TRPM3: variants seen among roughly 807,000 people sequenced by gnomAD.
TRPM3 encodes the protein transient receptor potential cation channel subfamily M member 3.
Under a neutral mutation model 181.2 loss-of-function variants are expected in TRPM3, and 77 were observed. The observed-to-expected ratio is 0.42, with a 90% confidence interval of 0.35 to 0.51. The LOEUF is 0.51. TRPM3 is among the 20% of genes least tolerant of loss of function. TRPM3 has a pLI of 0.01. For synonymous variants in TRPM3, 745 were observed against 796.4 expected, an observed-to-expected ratio of 0.94 and a Z score of 1.09; for missense variants, 1,759 against 2,196.7, an observed-to-expected ratio of 0.80 and a Z score of 3.98.
chr9:71,307,986 T>C (rs2087533067), intron 1 of TRPM3, among the ~76,000 whole-genome samples: 1 of 151,594 alleles, frequency 6.6e-6, no homozygotes, highest in South Asian at 2.1e-4. Flanking sequence ...TTTTTTTTTT[T>C]TGAGATGGAG....
chr9:71,172,951 G>A (rs2076938037), intron 1 of TRPM3, among the ~76,000 whole-genome samples: 2 of 152,090 alleles, frequency 1.3e-5, no homozygotes, highest in Admixed American at 1.3e-4. Flanking sequence ...TGAAGTAAGT[G>A]GGCATAAACA....
intron 1 of TRPM3, among the ~76,000 whole-genome samples, chr9:71,150,925 C>A (rs2075700773): frequency 6.6e-6 from 1 of 152,020 alleles, no homozygotes; most frequent in Non-Finnish European, 1.5e-5. Flanking sequence ...GACAAAAATC[C>A]AGATATATAT....
At chr9:71,394,042 T>C (rs2093130776) in intron 1 of TRPM3, among the ~76,000 whole-genome samples, 1 of 152,160 alleles carries the variant, frequency 6.6e-6, no homozygotes, top group African/African-American at 2.4e-5. Context: ...AGAGATCCAC[T>C]GATTTCATTA....
intron 22 of TRPM3, among the ~76,000 whole-genome samples, chr9:70,573,887 G>T (rs976179726): frequency 3.3e-5 from 5 of 151,708 alleles, no homozygotes; most frequent in Admixed American, 3.3e-4. Context: ...TAACCTGCAG[G>T]ATCTGGTGTT....
chr9:70,826,195 C>G (rs1305240808), intron 6 of TRPM3: 1 of 152,190 alleles, frequency 6.6e-6, no homozygotes, highest in Non-Finnish European at 1.5e-5. Flanking sequence ...TTATAAAAAC[C>G]TAAATAGATA....
At chr9:70,868,133 G>A (rs2132511634) in intron 1 of TRPM3, among the ~76,000 whole-genome samples, 1 of 152,072 alleles carries the variant, frequency 6.6e-6, no homozygotes, top group South Asian at 2.1e-4. Context: ...TGGCTTCTAT[G>A]GCCCCCAGAA....
chr9:70,981,417 G>T (rs2097362439), intron 1 of TRPM3, among the ~76,000 whole-genome samples: 1 of 152,190 alleles, frequency 6.6e-6, no homozygotes, highest in African/African-American at 2.4e-5. Context: ...GGAGATAGAA[G>T]ACATGTCATC....
chr9:70,835,598 A>G (rs2131846966), intron 5 of TRPM3, among the ~76,000 whole-genome samples: 1 of 151,954 alleles, frequency 6.6e-6, no homozygotes, highest in Non-Finnish European at 1.5e-5. Flanking sequence ...TCCCTTCTCC[A>G]TGTGGCAGGT....
chr9:70,980,689 AC>A (rs1309635345), intron 1 of TRPM3, among the ~76,000 whole-genome samples: 2 of 152,196 alleles, frequency 1.3e-5, no homozygotes, highest in African/African-American at 4.8e-5. Flanking sequence ...ACTCAGTAGC[AC>A]CCTGGCCCCT....
At chr9:70,684,991 G>C (rs905360419) in intron 8 of TRPM3, among the ~76,000 whole-genome samples, 1 of 152,102 alleles carries the variant, frequency 6.6e-6, no homozygotes, top group Non-Finnish European at 1.5e-5. Context: ...GCTGTTTGGT[G>C]CCGGACCATT....
chr9:71,259,857 T>C (rs1005343017), intron 1 of TRPM3, among the ~76,000 whole-genome samples: 6 of 152,208 alleles, frequency 3.9e-5, no homozygotes, highest in African/African-American at 1.4e-4. Context: ...CTGATGATAG[T>C]CTCTTCTGTT....
At position 70,535,783 on chromosome 9, in the gene TRPM3, TCTTG is replaced by T. The variant is rs1428914489; in HGVS notation, c.*166_*169del. ...TGGCACTGGGTCAGATCAAATGCTTTCTTGATCTGTGGCCCAGAAGTCACCTTTG... is the reference window on the plus strand; with the variant it reads ...TGGCACTGGGTCAGATCAAATGCTTTATCTGTGGCCCAGAAGTCACCTTTG... On this transcript the variant is annotated 3_prime_UTR_variant, in exon 26 of 26. Coordinates refer to ENST00000677713, the MANE Select transcript of TRPM3 (RefSeq NM_001366145.2). 5 of 1,484,896 alleles carry T rather than the reference TCTTG, an allele frequency of 3.4e-6. No individual in the cohort carries two copies. Among genetic ancestry groups the T allele is most frequent in the Non-Finnish European group, 4.4e-6 (5 of 1,126,380 alleles). The allele number at this position is 1,484,896 out of a possible 1,614,324, so 92.0% of individuals were successfully genotyped here. A position where few individuals can be genotyped will look rare whatever the true frequency, so the allele number is the denominator to read the frequency against.
chr9:71,163,720 G>C (rs1587725273), intron 1 of TRPM3, among the ~76,000 whole-genome samples: 1 of 152,070 alleles, frequency 6.6e-6, no homozygotes, highest in South Asian at 2.1e-4. Flanking sequence ...GAAGATCAAA[G>C]ACTGAGTCCT....
chr9:70,869,062 G>A (rs2095725062), intron 1 of TRPM3: 1 of 984,984 alleles, frequency 1.0e-6, no homozygotes, highest in Admixed American at 6.2e-5. Context: ...TGCAGCTAGG[G>A]CTGGTCATTC....
At chr9:70,622,108 A>G (rs148332285) in intron 14 of TRPM3, among the ~76,000 whole-genome samples, 5 of 152,264 alleles carry the variant, frequency 3.3e-5, no homozygotes, top group Admixed American at 3.3e-4. Context: ...TAGTACCCTT[A>G]TAAAAGAGGC....
intron 12 of TRPM3, among the ~76,000 whole-genome samples, chr9:70,628,826 A>AG (rs1248236609): frequency 2.7e-5 from 4 of 150,700 alleles, no homozygotes; most frequent in Middle Eastern, 3.4e-3. Flanking sequence ...CTTAAAAAAA[A>AG]AAAAAAAAAA....
rs553747416 is a variant in TRPM3 at position 70,794,074 on chromosome 9, G to C, written c.974-9795C>G. Among the ~76,000 whole-genome samples the C allele has an allele frequency of 1.7e-4, 26 of 152,204 alleles. 1 individual carries two copies. In the South Asian group the frequency reaches 4.8e-3, roughly 28 times the overall value. Reference sequence around the variant, plus strand: ...ACTTGGACTTGAGGGTCCTTCATATGAGAATTTGGGATAGCAGATTTTTTT... The same window carrying C: ...ACTTGGACTTGAGGGTCCTTCATATCAGAATTTGGGATAGCAGATTTTTTT... On this transcript the variant is annotated intron_variant, in intron 6 of 25. Coordinates refer to ENST00000677713, the MANE Select transcript of TRPM3 (RefSeq NM_001366145.2).
At chr9:71,339,146 C>T (rs1317180240) in intron 1 of TRPM3, among the ~76,000 whole-genome samples, 1 of 151,976 alleles carries the variant, frequency 6.6e-6, no homozygotes, top group Admixed American at 6.6e-5. Flanking sequence ...ACTTCAAACC[C>T]TTTATGAACA....
At chr9:71,205,769 C>T (rs891724669) in intron 1 of TRPM3, among the ~76,000 whole-genome samples, 2 of 152,150 alleles carry the variant, frequency 1.3e-5, no homozygotes, top group Admixed American at 1.3e-4. Flanking sequence ...TTCATTCACA[C>T]AAATTAATAA....
Sources: allele counts gnomAD v4.1 joint callset (sites outside exome capture counted in the v4.1 genomes callset), GRCh38; gene constraint gnomAD v4.1.1; transcripts MANE v1.5; gene names NCBI Gene and HGNC (gene_info 2026-07-23, HGNC 2026-07-21).